KIF16B: variants seen among roughly 807,000 people sequenced by gnomAD.
KIF16B encodes the protein kinesin-like protein KIF16B.
KIF16B carries 98 observed loss-of-function variants against 156.3 expected under a neutral mutation model. The observed-to-expected ratio is 0.63, with a 90% CI of 0.53 to 0.74. The LOEUF is 0.74. KIF16B is among the 30% of genes least tolerant of loss of function. The pLI, the probability that KIF16B is intolerant of heterozygous loss-of-function variation, is 0.00. For missense variants in KIF16B, 1,421 were observed against 1,606.5 expected, an observed-to-expected ratio of 0.88 and a Z score of 1.97; for synonymous variants, 564 against 583.7, an observed-to-expected ratio of 0.97 and a Z score of 0.49.
rs981638262 is a variant in KIF16B at position 16,499,363 on chromosome 20, C to T, written c.1177-1685G>A. ...TAATTCACCAGTTAGGGGTCATTTT[C>T]GTCATTAGGGATGTTGCCTAGTTAG... On this transcript the variant is annotated intron_variant, in intron 10 of 25. Coordinates refer to ENST00000354981, the MANE Select transcript of KIF16B (RefSeq NM_024704.5). Among the ~76,000 whole-genome samples the T allele has an allele frequency of 4.6e-5, 7 of 152,288 alleles. No individual in the cohort carries two copies. The East Asian group carries it at 5.8e-4, about 13-fold the overall frequency.
chr20:16,278,538 A>G (rs529914658), intron 25 of KIF16B, among the ~76,000 whole-genome samples: 1 of 152,318 alleles, frequency 6.6e-6, no homozygotes, highest in Non-Finnish European at 1.5e-5. Flanking sequence ...CCTTTCTTCT[A>G]TAGGTTTTGG....
At chr20:16,470,809 T>C (rs907861912) in intron 12 of KIF16B, among the ~76,000 whole-genome samples, 1 of 151,866 alleles carries the variant, frequency 6.6e-6, no homozygotes, top group African/African-American at 2.4e-5. Flanking sequence ...AGCTCACTTT[T>C]GTTTGAACCT....
At chr20:16,313,452 A>T (rs1232611925) in intron 24 of KIF16B, among the ~76,000 whole-genome samples, 1 of 152,234 alleles carries the variant, frequency 6.6e-6, no homozygotes, top group South Asian at 2.1e-4. Context: ...ATATACATAC[A>T]GAAAAGTGCA....
chr20:16,470,135 A>C (rs2067618287), intron 12 of KIF16B, among the ~76,000 whole-genome samples: 1 of 152,222 alleles, frequency 6.6e-6, no homozygotes. Context: ...TAGAAAAGGC[A>C]AAACTATGGA....
intron 12 of KIF16B, among the ~76,000 whole-genome samples, chr20:16,458,467 A>C (rs2067266560): frequency 6.6e-6 from 1 of 152,180 alleles, no homozygotes; most frequent in Non-Finnish European, 1.5e-5. Flanking sequence ...TCATGTTCTG[A>C]CAGCATTTCT....
chr20:16,355,920 ATAT>A (rs2064432178), intron 23 of KIF16B, among the ~76,000 whole-genome samples: 1 of 152,246 alleles, frequency 6.6e-6, no homozygotes, highest in African/African-American at 2.4e-5. Context: ...TGTGACATAA[ATAT>A]TATTAGTCTC....
chr20:16,295,251 C>G (rs564718264), intron 25 of KIF16B, among the ~76,000 whole-genome samples: 65 of 152,274 alleles, frequency 4.3e-4, no homozygotes, highest in East Asian at 4.3e-3. Flanking sequence ...GGGAGCAGGC[C>G]ACGGTGGCTG....
intron 15 of KIF16B, among the ~76,000 whole-genome samples, chr20:16,416,148 ATTCTGTAGG>A (rs1244223912): frequency 6.6e-6 from 1 of 152,060 alleles, no homozygotes; most frequent in African/African-American, 2.4e-5. Context: ...ATTTTCTCCC[ATTCTGTAGG>A]TTGTCTGTTT....
At chr20:16,512,689 T>C in intron 5 of KIF16B, 137 bp downstream of exon 5, 4 of 580,624 alleles carry the variant, frequency 6.9e-6, no homozygotes, top group South Asian at 4.9e-5. Context: ...CCCCAAACCA[T>C]AATCACAGGA....
At chr20:16,440,248 G>A (rs1315620830) in intron 12 of KIF16B, among the ~76,000 whole-genome samples, 3 of 152,018 alleles carry the variant, frequency 2.0e-5, no homozygotes, top group African/African-American at 7.2e-5. Context: ...TATCAGTCCC[G>A]TTTTTAATGC....
intron 25 of KIF16B, among the ~76,000 whole-genome samples, chr20:16,273,714 G>A (rs543299175): frequency 1.3e-5 from 2 of 151,872 alleles, no homozygotes; most frequent in South Asian, 4.2e-4. Context: ...TACGGTCAAG[G>A]TACTGTTGGA....
intron 25 of KIF16B, among the ~76,000 whole-genome samples, chr20:16,307,613 C>T (rs1050836802): frequency 6.6e-6 from 1 of 152,190 alleles, no homozygotes; most frequent in African/African-American, 2.4e-5. Context: ...ATGTTTCAGA[C>T]ACTTTTACTG....
rs1350546131 is a variant in KIF16B, at chr20:16,427,154, T to C, written c.1562A>G (p.Gln521Arg). ...GATCTGAACACCATTCACAGAGCAC[T>C]GGGACCCACTCAGGGGTATCAGAGT... ...TVTLIPLSGS[Q>R]CSVNGVQIVE... Residue 521 changes from glutamine (Q) to arginine (R), a missense_variant, in exon 15 of 26, where the codon CAG becomes CGG. Coordinates refer to ENST00000354981, the MANE Select transcript of KIF16B (RefSeq NM_024704.5). The C allele has an allele frequency of 6.2e-7, 1 of 1,612,496 alleles. No homozygotes were observed. Among genetic ancestry groups the C allele is most frequent in the Non-Finnish European group, 8.5e-7 (1 of 1,178,772 alleles).
intron 12 of KIF16B, among the ~76,000 whole-genome samples, chr20:16,463,731 G>C (rs1293940175): frequency 1.3e-5 from 2 of 152,156 alleles, no homozygotes; most frequent in Non-Finnish European, 2.9e-5. Context: ...CAGAAATTGA[G>C]AAAGTAAATT....
At chr20:16,411,694 G>A (rs1241202097) in intron 15 of KIF16B, among the ~76,000 whole-genome samples, 5 of 151,940 alleles carry the variant, frequency 3.3e-5, no homozygotes, top group Non-Finnish European at 7.4e-5. Flanking sequence ...TTTGTCCTTT[G>A]TGGGCATACT....
chr20:16,521,386 T>TA (rs2069344323), intron 3 of KIF16B, among the ~76,000 whole-genome samples: 1 of 151,676 alleles, frequency 6.6e-6, no homozygotes, highest in Non-Finnish European at 1.5e-5. Flanking sequence ...CAGGTATTAA[T>TA]AGCTGAGTAG....
At chr20:16,429,555 C>T (rs1185907546) in intron 13 of KIF16B, among the ~76,000 whole-genome samples, 1 of 152,080 alleles carries the variant, frequency 6.6e-6, no homozygotes, top group Non-Finnish European at 1.5e-5. Context: ...AACAAAATCC[C>T]CCCAGCTGTT....
chr20:16,463,029 C>T (rs1469422877), intron 12 of KIF16B, among the ~76,000 whole-genome samples: 3 of 152,290 alleles, frequency 2.0e-5, no homozygotes, highest in Middle Eastern at 3.4e-3. Context: ...ACCAGATCTT[C>T]GTGCACTATG....
rs2065033023 is a variant in KIF16B, at chr20:16,379,388, A to T, written c.2614T>A (p.Ser872Thr). ...TCATCATGTTTTTCCAACAATCTAG[A>T]TTCTTTGTCATGTTCACATTTTAAA... Reference protein sequence around the residue: ...ECLKCEHDKESRLLEKHDESV... With the variant: ...ECLKCEHDKETRLLEKHDESV... The change falls in exon 19 of 26, where the codon TCT (serine) becomes ACT (threonine). Residue 872 changes from serine (S) to threonine (T), a missense_variant. Physicochemically the swap from Ser to Thr is moderately conservative, Grantham distance 58. Coordinates refer to ENST00000354981, the MANE Select transcript of KIF16B (RefSeq NM_024704.5). The T allele has an allele frequency of 6.2e-7, 1 of 1,604,494 alleles. No individual in the cohort carries two copies. Among genetic ancestry groups the T allele is most frequent in the African/African-American group, 1.3e-5 (1 of 74,242 alleles).
Sources: gnomAD v4.1 joint callset for allele counts (sites outside exome capture counted in the v4.1 genomes callset) on GRCh38, gnomAD v4.1.1 for gene constraint, MANE v1.5 for transcripts, NCBI Gene and HGNC (gene_info 2026-07-23, HGNC 2026-07-21) for gene names.